Variants in AGBL3 observed in about 807,000 individuals in gnomAD.
The protein encoded by AGBL3 is AGBL carboxypeptidase 3, also known as cytosolic carboxypeptidase 3.
A neutral mutation model predicts 94.5 loss-of-function variants in AGBL3; 68 were observed. The ratio of observed to expected loss-of-function variants is 0.72; its 90% CI spans 0.59 to 0.88. The LOEUF is 0.88. Among genes scored for constraint, AGBL3 ranks in the 40% least tolerant of loss-of-function variants. The probability of loss-of-function intolerance (pLI) is 0.00; values close to 1 mark genes in which losing one functional copy is unlikely to be tolerated. For synonymous variants in AGBL3, 354 were observed against 370.7 expected, an observed-to-expected ratio of 0.95 and a Z score of 0.52; for missense variants, 934 against 1,103.8, an observed-to-expected ratio of 0.85 and a Z score of 2.18.
intron 15 of AGBL3, among the ~76,000 whole-genome samples, chr7:135,085,247 T>G (rs1047578128): frequency 6.6e-6 from 1 of 152,144 alleles, no homozygotes; most frequent in Non-Finnish European, 1.5e-5. Context: ...ATTCTGGATA[T>G]TAATCCCTTG....
chr7:135,088,016 T>C (rs1423996712), intron 15 of AGBL3, among the ~76,000 whole-genome samples: 3 of 152,122 alleles, frequency 2.0e-5, no homozygotes, highest in Non-Finnish European at 4.4e-5. Context: ...GGGGTGCATA[T>C]GTATTCACAA....
intron 4 of AGBL3, among the ~76,000 whole-genome samples, chr7:135,007,796 A>G (rs998389887): frequency 6.6e-6 from 1 of 152,038 alleles, no homozygotes; most frequent in Non-Finnish European, 1.5e-5. Context: ...TAGAACTAAT[A>G]TGAGTTCGGC....
At chr7:135,020,757 T>C (rs569828196) in intron 5 of AGBL3, among the ~76,000 whole-genome samples, 1 of 152,056 alleles carries the variant, frequency 6.6e-6, no homozygotes, top group South Asian at 2.1e-4. Context: ...ATGTCCCTTG[T>C]AGGGACATGG....
At chr7:135,023,912 G>A (rs745479000) in intron 5 of AGBL3, among the ~76,000 whole-genome samples, 15 of 152,234 alleles carry the variant, frequency 9.9e-5, no homozygotes, top group Non-Finnish European at 1.9e-4. Context: ...AGCACACCCA[G>A]TGCTCAACCC....
At chr7:135,118,231 C>G (rs1040229477) in intron 16 of AGBL3, among the ~76,000 whole-genome samples, 1 of 152,124 alleles carries the variant, frequency 6.6e-6, no homozygotes, top group Non-Finnish European at 1.5e-5. Flanking sequence ...GTTAATACCT[C>G]ACTATTTGTC....
chr7:134,994,179 T>C (rs1810671765), intron 4 of AGBL3, among the ~76,000 whole-genome samples: 1 of 152,230 alleles, frequency 6.6e-6, no homozygotes, highest in African/African-American at 2.4e-5. Context: ...CTGCTCTTTG[T>C]GGCTCTCTGT....
At position 135,134,972 on chromosome 7, in the gene AGBL3, G is replaced by T; in HGVS notation, c.2474G>T (p.Arg825Met). Residue 825 changes from arginine to methionine, a missense_variant, in exon 17 of 17, where the codon AGG becomes ATG. By Grantham distance (91) the Arg-to-Met change is moderately conservative (BLOSUM62 -1). Transcript: ENST00000436302. ...SSEWVQSKPH[R>M]SLESLSPLKG... ...GAATGGGTCCAGTCTAAGCCCCACAGGTCATTGGAAAGTTTATCACCTCTC... is the reference window on the plus strand; with the variant it reads ...GAATGGGTCCAGTCTAAGCCCCACATGTCATTGGAAAGTTTATCACCTCTC... 6.4e-7 allele frequency: 1 copy of T among 1,551,152 alleles called. No individual in the cohort carries two copies. The highest frequency in any genetic ancestry group is 8.7e-7 in the Non-Finnish European group (1 of 1,146,666).
intron 12 of AGBL3, among the ~76,000 whole-genome samples, chr7:135,062,284 T>G (rs1473738530): frequency 6.6e-6 from 1 of 152,086 alleles, no homozygotes; most frequent in Non-Finnish European, 1.5e-5. Flanking sequence ...TTTTAAATTC[T>G]GTTCTTTGAT....
At chr7:135,023,572 A>G (rs1253898991) in intron 5 of AGBL3, among the ~76,000 whole-genome samples, 5 of 152,168 alleles carry the variant, frequency 3.3e-5, no homozygotes, top group Non-Finnish European at 7.4e-5. Flanking sequence ...CATGGAGCCC[A>G]GGGGATTTTG....
intron 15 of AGBL3, among the ~76,000 whole-genome samples, chr7:135,083,924 T>A (rs1821119981): frequency 6.6e-6 from 1 of 152,190 alleles, no homozygotes; most frequent in South Asian, 2.1e-4. Context: ...TTTCAGATAA[T>A]TCTGGCATTG....
intron 1 of AGBL3, among the ~76,000 whole-genome samples, chr7:134,987,263 G>A (rs1755042443): frequency 6.6e-6 from 1 of 152,154 alleles, no homozygotes. Flanking sequence ...CAAGAACGAT[G>A]GGAACTTGAC....
At chr7:135,038,365 C>T (rs1048838294) in intron 8 of AGBL3, among the ~76,000 whole-genome samples, 14 of 152,272 alleles carry the variant, frequency 9.2e-5, no homozygotes, top group Admixed American at 5.2e-4. Flanking sequence ...GCAAGAAAGA[C>T]GGGAAAACCC....
intron 9 of AGBL3, 59 bp downstream of exon 9, chr7:135,044,210 T>A: frequency 2.0e-6 from 3 of 1,484,158 alleles, no homozygotes; most frequent in Non-Finnish European, 2.7e-6. Context: ...ATGTATAATT[T>A]AATGTAAATG....
At chr7:135,021,722 A>G (rs1254168160) in intron 5 of AGBL3, among the ~76,000 whole-genome samples, 1 of 147,598 alleles carries the variant, frequency 6.8e-6, no homozygotes, top group African/African-American at 2.5e-5. Flanking sequence ...TTACACAGGT[A>G]TCTGTGTGCC....
intron 4 of AGBL3, among the ~76,000 whole-genome samples, chr7:135,016,721 T>A (rs1813851809): frequency 6.6e-6 from 1 of 151,936 alleles, no homozygotes; most frequent in Non-Finnish European, 1.5e-5. Context: ...AAAGGTAGAG[T>A]AAGATTTCCC....
chr7:135,130,314 TACC>T (rs983449808), intron 16 of AGBL3, among the ~76,000 whole-genome samples: 1 of 152,216 alleles, frequency 6.6e-6, no homozygotes, highest in Non-Finnish European at 1.5e-5. Context: ...TATGTTTTAA[TACC>T]ACAAACGCTA....
At chr7:135,037,649 C>A in intron 8 of AGBL3, 69 bp downstream of exon 8, 1 of 1,307,852 alleles carries the variant, frequency 7.6e-7, no homozygotes. Context: ...CAGAATGGCC[C>A]ACGTGGATAA....
rs1393263338 is a variant in AGBL3 at position 135,059,155 on chromosome 7, TA to T, written c.1842-13del. ...ACCAAAACACTGTATAAACCAAAAT[TA>T]TTTTTTTTGTAGTAGCCGAGGCTCT... On this transcript the variant is annotated splice_polypyrimidine_tract_variant and intron_variant, in intron 11 of 16. Coordinates refer to ENST00000436302, the MANE Select transcript of AGBL3 (RefSeq NM_178563.4). 2 of 1,545,894 alleles carry T rather than the reference TA, an allele frequency of 1.3e-6. No individual in the cohort carries two copies. Among genetic ancestry groups the T allele is most frequent in the East Asian group, 2.4e-5 (1 of 40,864 alleles).
chr7:135,080,161 T>G, intron 13 of AGBL3, 42 bp from the exon 14 acceptor site: 1 of 1,405,668 alleles, frequency 7.1e-7, no homozygotes, highest in East Asian at 2.5e-5. Flanking sequence ...CATTTCATGT[T>G]GATAAAATAG....
Sources: allele counts gnomAD v4.1 joint callset (sites outside exome capture counted in the v4.1 genomes callset), GRCh38; gene constraint gnomAD v4.1.1; transcripts MANE v1.5; gene names NCBI Gene and HGNC (gene_info 2026-07-23, HGNC 2026-07-21).